The following PRAG1 variants were observed in gnomAD, a reference collection of about 807,000 sequenced individuals.
PRAG1 encodes inactive tyrosine-protein kinase PRAG1.
In PRAG1, 110 loss-of-function variants were observed where a neutral mutation model predicts 95.6. That is an observed-to-expected ratio of 1.15 (90% CI 0.99 to 1.35). The LOEUF is 1.35. PRAG1 is among the 40% of genes most tolerant of loss of function. The probability of loss-of-function intolerance (pLI) is 0.00; values close to 1 mark genes in which losing one functional copy is unlikely to be tolerated. For missense variants in PRAG1, 2,554 were observed against 1,864.7 expected (o/e 1.37, Z -6.81); for synonymous variants, 1,052 against 819.4 (o/e 1.28, Z -4.85).
At position 8,371,756 on chromosome 8, in the gene PRAG1, G is replaced by A. The variant is rs990435755; in HGVS notation, c.2162+4491C>T. Among the ~76,000 whole-genome samples, 3 of 152,126 alleles carry A rather than the reference G, an allele frequency of 2.0e-5. No homozygotes were observed. In the East Asian group the frequency reaches 5.8e-4, roughly 30 times the overall value. On this transcript the variant is annotated intron_variant, in intron 3 of 5. Transcript: ENST00000615670. ...ATGGTGGCACGTGCCTGTAGTCCCA[G>A]CTACTCAGGAGGCTGGGGTGAGAGG... is the stretch of plus-strand genomic sequence containing the variant.
Position 8,328,071 on chromosome 8 carries a change from C to G in PRAG1, c.2711G>C (p.Gly904Ala), listed in dbSNP as rs1400468226. 1.9e-6 allele frequency: 3 copies of G among 1,601,896 alleles called. No homozygotes were observed. Among genetic ancestry groups the G allele is most frequent in the Non-Finnish European group, 2.6e-6 (3 of 1,172,926 alleles). The change falls in exon 5 of 6, where the codon GGC becomes GCC. Residue 904 changes from glycine (G) to alanine (A), a missense_variant. By Grantham distance (60) the Gly-to-Ala change is moderately conservative (BLOSUM62 0). Transcript: ENST00000615670. Reference protein sequence around the residue: ...PAAGLAGNRGGCGSPGLQCKG... With the variant: ...PAAGLAGNRGACGSPGLQCKG... The stretch of plus-strand genomic sequence containing the variant: ...GCACTGGAGGCCAGGGCTCCCGCAG[C>G]CGCCTCTGTTGCCCGCCAGCCCTGC...
At chr8:8,358,759 G>C (rs1455529635) in intron 3 of PRAG1, among the ~76,000 whole-genome samples, 1 of 152,200 alleles carries the variant, frequency 6.6e-6, no homozygotes, top group Non-Finnish European at 1.5e-5. Flanking sequence ...ATCCCTTATG[G>C]GTGAAGTCCC....
chr8:8,318,182 T>A lies in PRAG1; in HGVS notation c.4193A>T (p.Gln1398Leu). The A allele has an allele frequency of 6.2e-7, 1 of 1,613,834 alleles. No homozygotes were observed. The highest frequency in any genetic ancestry group is 8.5e-7 in the Non-Finnish European group (1 of 1,179,930). Residue 1398 changes from glutamine (Q) to leucine (L), a missense_variant, in exon 6 of 6, where the codon CAG becomes CTG. Transcript: ENST00000615670. The surrounding 1 kb of genome is among the most constrained non-coding windows in gnomAD (Gnocchi z 4.2). ...CAGAAGCTGCAGGAGCTTCAGCGAC[T>A]GTAAGAGGGCCCCGGGCTCCGCAGA... ...LASAEPGALL[Q>L]SLKLLQLL
At position 8,377,600 on chromosome 8, in the gene PRAG1, G is replaced by T. The variant is rs775557807; in HGVS notation, c.809C>A (p.Ser270Tyr). Residue 270 changes from serine (S) to tyrosine (Y), a missense_variant, in exon 3 of 6, where the codon TCC becomes TAC. By Grantham distance (144) the Ser-to-Tyr change is moderately radical. Transcript: ENST00000615670. Reference protein sequence around the residue: ...CPGSPVAKAASQTAGSRGRHG... With the variant: ...CPGSPVAKAAYQTAGSRGRHG... Reference sequence around the variant, plus strand: ...CCTGCCCCGGGAACCTGCAGTCTGGGAGGCAGCCTTGGCAACAGGGCTCCC... The same window carrying T: ...CCTGCCCCGGGAACCTGCAGTCTGGTAGGCAGCCTTGGCAACAGGGCTCCC... The T allele has an allele frequency of 3.7e-6, 6 of 1,613,074 alleles. No homozygotes were observed. Among genetic ancestry groups the T allele is most frequent in the Non-Finnish European group, 5.1e-6 (6 of 1,179,882 alleles).
intron 5 of PRAG1, among the ~76,000 whole-genome samples, chr8:8,325,558 C>A (rs1798610336): frequency 6.6e-6 from 1 of 152,032 alleles, no homozygotes; most frequent in Admixed American, 6.5e-5. Flanking sequence ...GCTAATTCTG[C>A]AGTAATATAT....
chr8:8,353,863 A>G (rs759055368), intron 3 of PRAG1, among the ~76,000 whole-genome samples: 1 of 152,078 alleles, frequency 6.6e-6, no homozygotes, highest in Non-Finnish European at 1.5e-5. Context: ...TAGTAGTAGT[A>G]GTAGTGGTAG....
At chr8:8,325,503 T>G (rs1204280018) in intron 5 of PRAG1, among the ~76,000 whole-genome samples, 1 of 152,230 alleles carries the variant, frequency 6.6e-6, no homozygotes, top group African/African-American at 2.4e-5. Flanking sequence ...TTTAACATTC[T>G]TAAGGAAAGT....
At chr8:8,380,840 G>C (rs1800609591) in intron 2 of PRAG1, among the ~76,000 whole-genome samples, 1 of 114,288 alleles carries the variant, frequency 8.7e-6, no homozygotes, top group African/African-American at 3.7e-5. Flanking sequence ...ACGACAGAGA[G>C]AGACTCCATC....
chr8:8,328,638 G>C (rs1316960300), intron 4 of PRAG1, among the ~76,000 whole-genome samples, 177 bp from the exon 5 acceptor site: 1 of 152,182 alleles, frequency 6.6e-6, no homozygotes, highest in East Asian at 1.9e-4. Flanking sequence ...TCAAAATGCA[G>C]AAAAGGTATA....
chr8:8,363,220 T>G (rs1310344459), intron 3 of PRAG1, among the ~76,000 whole-genome samples: 1 of 151,948 alleles, frequency 6.6e-6, no homozygotes, highest in Non-Finnish European at 1.5e-5. Flanking sequence ...CACTTATGAC[T>G]TATTCCTTAA....
chr8:8,381,137 C>T (rs964693667), intron 2 of PRAG1, among the ~76,000 whole-genome samples: 5 of 151,980 alleles, frequency 3.3e-5, no homozygotes, highest in African/African-American at 1.2e-4. Flanking sequence ...AAATTTAAAA[C>T]TTTTTTTTAA....
Position 8,319,037 on chromosome 8 carries a change from G to T in PRAG1, c.3338C>A (p.Ala1113Glu), listed in dbSNP as rs376362555. The T allele has an allele frequency of 2.9e-5, 47 of 1,612,958 alleles. No individual in the cohort carries two copies. Among genetic ancestry groups the T allele is most frequent in the Non-Finnish European group, 3.6e-5 (43 of 1,179,822 alleles). The change falls in exon 6 of 6, where the codon GCG becomes GAG. Residue 1113 changes from alanine to glutamate, a missense_variant. Coordinates refer to ENST00000615670, the MANE Select transcript of PRAG1 (RefSeq NM_001080826.3). ...GCGCCGCTCGTACGCCTCGGGCTCC[G>T]CCTGGTGGCTGGCCGCCGAGTCCCG... Reference protein sequence around the residue: ...FVRDSAASHQAEPEAYERRVC... With the variant: ...FVRDSAASHQEEPEAYERRVC...
At chr8:8,346,862 G>T (rs1190748924) in intron 3 of PRAG1, among the ~76,000 whole-genome samples, 1 of 152,174 alleles carries the variant, frequency 6.6e-6, no homozygotes, top group African/African-American at 2.4e-5. Flanking sequence ...TCTGCCACTG[G>T]AGCGGAATCT....
Position 8,377,483 on chromosome 8 carries a change from T to A in PRAG1, c.926A>T (p.Lys309Met). 6.4e-7 allele frequency: 1 copy of A among 1,552,066 alleles called. No individual in the cohort carries two copies. Among genetic ancestry groups the A allele is most frequent in the Non-Finnish European group, 8.7e-7 (1 of 1,149,840 alleles). ...AGTGGGGCCCTGGCTACAGCACTCC[T>A]TGGGGAAGCTCGGGCCCCGCTTCTC... ...EQEKRGPSFP[K>M]ECCSQGPTAH... Residue 309 changes from lysine (K) to methionine (M), a missense_variant, in exon 3 of 6, where the codon AAG becomes ATG. Transcript: ENST00000615670.
At position 8,319,027 on chromosome 8, in the gene PRAG1, C is replaced by T. The variant is rs1174227663; in HGVS notation, c.3348G>A (p.Glu1116=). ...DSAASHQAEP[E]AYERRVCFLL... is the part of the protein sequence containing the mutation. ...GGAAGCACACGCGCCGCTCGTACGC[C>T]TCGGGCTCCGCCTGGTGGCTGGCCG... The change falls in exon 6 of 6, where the codon GAG becomes GAA. Residue 1116 remains glutamate (E), a synonymous_variant. Transcript: ENST00000615670. 2 of 1,613,340 alleles carry T rather than the reference C, an allele frequency of 1.2e-6. No individual in the cohort carries two copies. The highest frequency in any genetic ancestry group is 1.1e-5 in the South Asian group (1 of 91,074).
intron 5 of PRAG1, among the ~76,000 whole-genome samples, chr8:8,326,451 G>T (rs996128430): frequency 6.6e-6 from 1 of 152,044 alleles, no homozygotes; most frequent in African/African-American, 2.4e-5. Context: ...TCTCCCTCCT[G>T]ACTCCCAATA....
intron 3 of PRAG1, among the ~76,000 whole-genome samples, chr8:8,350,059 G>GTA (rs1799470820): frequency 6.6e-6 from 1 of 152,094 alleles, no homozygotes; most frequent in Non-Finnish European, 1.5e-5. Flanking sequence ...AGATGGAAGT[G>GTA]TACCCTGATT....
intron 2 of PRAG1, among the ~76,000 whole-genome samples, chr8:8,378,292 T>C (rs375949763): frequency 1.3e-5 from 2 of 152,126 alleles, no homozygotes; most frequent in East Asian, 3.9e-4. Flanking sequence ...CCATTTGTCT[T>C]CCCAGACACT....
At chr8:8,362,580 G>A (rs550294036) in intron 3 of PRAG1, among the ~76,000 whole-genome samples, 1 of 152,330 alleles carries the variant, frequency 6.6e-6, no homozygotes, top group South Asian at 2.1e-4. Context: ...CCCTGCCCCA[G>A]AGGAGAATGG....
Sources: allele counts gnomAD v4.1 joint callset (sites outside exome capture counted in the v4.1 genomes callset), GRCh38; gene constraint gnomAD v4.1.1; non-coding constraint Gnocchi (gnomAD v3.1); transcripts MANE v1.5; gene names NCBI Gene and HGNC (gene_info 2026-07-23, HGNC 2026-07-21).